The following SLC25A48 variants were observed in gnomAD, a reference collection of about 807,000 sequenced individuals.
The protein encoded by SLC25A48 is solute carrier family 25 member 48.
Under a neutral mutation model 32.2 loss-of-function variants are expected in SLC25A48, and 29 were observed. The observed-to-expected ratio is 0.90, with a 90% CI of 0.67 to 1.23. The LOEUF (loss-of-function observed/expected upper bound fraction) is 1.23. Among genes scored for constraint, SLC25A48 ranks in the 50% most tolerant of loss-of-function variants. The pLI is 0.00. For synonymous variants in SLC25A48, 164 were observed against 172.3 expected (o/e 0.95, Z 0.38); for missense variants, 399 against 422.7 (o/e 0.94, Z 0.49).
At chr5:135,779,966 C>G (rs1175384678) in intron 3 of SLC25A48, among the ~76,000 whole-genome samples, 1 of 115,444 alleles carries the variant, frequency 8.7e-6, no homozygotes, top group African/African-American at 2.6e-5. Context: ...CCCAAGTTCG[C>G]AGGGGCATAC....
At chr5:135,834,385 A>G (rs1318218133), upstream of SLC25A48, among the ~76,000 whole-genome samples, 1 of 152,250 alleles carries the variant, frequency 6.6e-6, no homozygotes, top group Non-Finnish European at 1.5e-5. Flanking sequence ...GAGAGAGTCC[A>G]CAGCTGATTG....
intron 3 of SLC25A48, among the ~76,000 whole-genome samples, chr5:135,747,795 C>T (rs1755674683): frequency 6.6e-6 from 1 of 152,228 alleles, no homozygotes; most frequent in Admixed American, 6.5e-5. Context: ...TATTTGCCAT[C>T]TACCATCTTT....
At chr5:135,669,226 T>C (rs986590926) in intron 3 of SLC25A48, among the ~76,000 whole-genome samples, 19 of 152,068 alleles carry the variant, frequency 1.2e-4, no homozygotes, top group Non-Finnish European at 2.5e-4. Context: ...ACCTGTCTTC[T>C]CCCCAGCCTG....
chr5:135,843,883 C>T (rs186347941), intron 2 of SLC25A48, among the ~76,000 whole-genome samples: 5 of 152,258 alleles, frequency 3.3e-5, no homozygotes, highest in East Asian at 1.9e-4. Flanking sequence ...GGCCTTGCTG[C>T]GTGCCTCCTG....
Position 135,781,701 on chromosome 5 carries a change from G to T in SLC25A48, c.-520-30822G>T, listed in dbSNP as rs1460118974. ...TGTTCCTAATAGCCAGGGGAAAAGA[G>T]AATGATATTACTCTCAATATTGCAG... On this transcript the variant is annotated intron_variant, in intron 3 of 10. Coordinates refer to the SLC25A48 transcript ENST00000646290. Among the ~76,000 whole-genome samples, 5 of 116,004 alleles carry T rather than the reference G, an allele frequency of 4.3e-5. No homozygotes were observed. In the East Asian group the frequency reaches 1.1e-3, roughly 25 times the overall value. The allele number at this position is 116,004 out of a possible 152,430, so 76.1% of individuals were successfully genotyped here. A position where few individuals can be genotyped will look rare whatever the true frequency, so the allele number is the denominator to read the frequency against.
chr5:135,710,566 C>A (rs1444227981), intron 3 of SLC25A48, among the ~76,000 whole-genome samples: 1 of 152,248 alleles, frequency 6.6e-6, no homozygotes, highest in Non-Finnish European at 1.5e-5. Context: ...TGACTTTGAG[C>A]AAGTTGCCTT....
chr5:135,743,556 T>G (rs1257894664), intron 3 of SLC25A48, among the ~76,000 whole-genome samples: 5 of 152,318 alleles, frequency 3.3e-5, no homozygotes, highest in Admixed American at 2.6e-4. Flanking sequence ...ACTAAGTATC[T>G]GTCAATGAAA....
chr5:135,833,686 G>A (rs1758294314), upstream of SLC25A48, among the ~76,000 whole-genome samples: 1 of 152,164 alleles, frequency 6.6e-6, no homozygotes, highest in Non-Finnish European at 1.5e-5. Flanking sequence ...GTCCTCTCCC[G>A]ATACAGGTCC....
rs1752934017 is a variant in SLC25A48, at chr5:135,645,330, T to C, written c.-521+10374T>C. Among the ~76,000 whole-genome samples the C allele has an allele frequency of 2.0e-5, 3 of 152,232 alleles. No individual in the cohort carries two copies. In the South Asian group the frequency reaches 6.2e-4, roughly 31 times the overall value. On this transcript the variant is annotated intron_variant, in intron 3 of 10. Coordinates refer to the SLC25A48 transcript ENST00000646290. The stretch of plus-strand genomic sequence containing the variant: ...AATAGCTGTTGGCAACCACTTTGTG[T>C]TATTTTGTTCACATAATTATTCACT...
chr5:135,880,250 C>A, intron 7 of SLC25A48, 153 bp downstream of exon 7: 1 of 1,153,890 alleles, frequency 8.7e-7, no homozygotes, highest in Non-Finnish European at 1.2e-6. Flanking sequence ...CTTTTCGTCA[C>A]CAAACAGCAG....
chr5:135,826,770 C>A (rs377066639), intron 4 of SLC25A48: 1 of 152,204 alleles, frequency 6.6e-6, no homozygotes, highest in East Asian at 1.9e-4. Flanking sequence ...CAGCCGGGAA[C>A]TGTGGAGCTG....
At chr5:135,765,499 GT>G (rs1756190886) in intron 3 of SLC25A48, among the ~76,000 whole-genome samples, 1 of 151,436 alleles carries the variant, frequency 6.6e-6, no homozygotes, top group Non-Finnish European at 1.5e-5. Context: ...TATCCAGAGG[GT>G]GAGGGGGTTA....
At chr5:135,643,731 A>G (rs1021449311) in intron 3 of SLC25A48, among the ~76,000 whole-genome samples, 6 of 152,174 alleles carry the variant, frequency 3.9e-5, no homozygotes, top group Non-Finnish European at 8.8e-5. Context: ...CTCCCAGGTT[A>G]GTGAGCAGCG....
chr5:135,616,492 A>G (rs558694059), intron 1 of SLC25A48, among the ~76,000 whole-genome samples: 1 of 152,316 alleles, frequency 6.6e-6, no homozygotes, highest in African/African-American at 2.4e-5. Flanking sequence ...TGTGTTTCAA[A>G]CTTGCATGTT....
intron 3 of SLC25A48, chr5:135,742,586 A>G (rs908110925): frequency 1.8e-6 from 2 of 1,140,832 alleles, no homozygotes; most frequent in African/African-American, 1.6e-5. Flanking sequence ...GATTTCCTCT[A>G]TAGCTGCAAA....
intron 6 of SLC25A48, among the ~76,000 whole-genome samples, chr5:135,878,895 C>A (rs1303591236): frequency 2.0e-5 from 3 of 152,164 alleles, no homozygotes; most frequent in Non-Finnish European, 2.9e-5. Flanking sequence ...CTCTCCAAAG[C>A]TTTTATCTGC....
At position 135,629,863 on chromosome 5, in the gene SLC25A48, C is replaced by G. The variant is rs1752516311; in HGVS notation, c.-709+487C>G. Among the ~76,000 whole-genome samples, 1 of 152,106 alleles carries G rather than the reference C, an allele frequency of 6.6e-6. No individual in the cohort carries two copies. Among genetic ancestry groups the G allele is most frequent in the African/African-American group, 2.4e-5 (1 of 41,412 alleles). ...GCCAGAGAAAACCCTAGGGCAGAAA[C>G]TATCAAGAACTTGCCGAAAGTAGTT... On this transcript the variant is annotated intron_variant, in intron 2 of 10. Transcript: ENST00000646290. This position sits in a 1 kb window ranked among gnomAD's most constrained non-coding sequence, Gnocchi z 4.8.
chr5:135,775,260 G>A (rs111822643), intron 3 of SLC25A48, among the ~76,000 whole-genome samples: 6 of 151,240 alleles, frequency 4.0e-5, no homozygotes, highest in Non-Finnish European at 7.4e-5. Flanking sequence ...TCCCAATATC[G>A]CAGGGAGTGT....
chr5:135,605,366 G>C (rs922533480), intron 1 of SLC25A48, among the ~76,000 whole-genome samples: 24 of 152,192 alleles, frequency 1.6e-4, no homozygotes, highest in Middle Eastern at 3.2e-3. Context: ...CAAAGGATTT[G>C]CATCTTCTGA....
Sources: gnomAD v4.1 joint callset for allele counts (sites outside exome capture counted in the v4.1 genomes callset) on GRCh38, gnomAD v4.1.1 for gene constraint, Gnocchi (gnomAD v3.1) non-coding constraint, MANE v1.5 for transcripts, NCBI Gene and HGNC (gene_info 2026-07-23, HGNC 2026-07-21) for gene names.